PDE4B: variants seen among roughly 807,000 people sequenced by gnomAD.
PDE4B encodes the protein 3',5'-cyclic-AMP phosphodiesterase 4B.
A neutral mutation model predicts 82.2 loss-of-function variants in PDE4B; 20 were observed. That is an observed-to-expected ratio of 0.24 (90% CI 0.17 to 0.35). PDE4B has a LOEUF of 0.35. PDE4B is among the 10% of genes least tolerant of loss of function. The pLI is 1.00. For synonymous variants in PDE4B, 320 were observed against 318.9 expected (o/e 1.00, Z -0.04); for missense variants, 655 against 907.2 (o/e 0.72, Z 3.57).
chr1:66,232,621 T>G (rs1570522234), intron 3 of PDE4B, among the ~76,000 whole-genome samples: 1 of 152,094 alleles, frequency 6.6e-6, no homozygotes. Context: ...AGTTAGAGTT[T>G]GGAAAAAGAC....
At chr1:66,003,904 T>G (rs1364559961) in intron 3 of PDE4B, among the ~76,000 whole-genome samples, 1 of 152,202 alleles carries the variant, frequency 6.6e-6, no homozygotes, top group Non-Finnish European at 1.5e-5. Flanking sequence ...CCTGTCAGCC[T>G]GCTCAGCCAG....
At chr1:66,150,499 C>T (rs1646370178) in intron 3 of PDE4B, among the ~76,000 whole-genome samples, 1 of 152,188 alleles carries the variant, frequency 6.6e-6, no homozygotes, top group South Asian at 2.1e-4. Flanking sequence ...TGTTTTACCT[C>T]TTCCTTTCCA....
intron 1 of PDE4B, among the ~76,000 whole-genome samples, chr1:65,843,452 A>G (rs1571004368): frequency 6.6e-6 from 1 of 152,166 alleles, no homozygotes; most frequent in African/African-American, 2.4e-5. Context: ...ACCAAATGCC[A>G]TGGGTGGTTA....
rs561501415 is a variant in PDE4B, at chr1:65,834,987, T to C, written c.-71+41739T>C. Reference sequence around the variant, plus strand: ...GCACACCACTCTATCCATCTATAGCTCTCAACGCCTCTGGAATTTAACCTC... The same window carrying C: ...GCACACCACTCTATCCATCTATAGCCCTCAACGCCTCTGGAATTTAACCTC... On this transcript the variant is annotated intron_variant, in intron 1 of 16. Coordinates refer to ENST00000341517, the MANE Select transcript of PDE4B (RefSeq NM_002600.4). Among the ~76,000 whole-genome samples, 400 of 152,286 alleles carry C rather than the reference T, an allele frequency of 2.6e-3. 1 individual carries two copies. The highest frequency in any genetic ancestry group is 8.7e-3 in the African/African-American group (362 of 41,560).
chr1:66,081,003 A>G (rs1427485388), intron 3 of PDE4B, among the ~76,000 whole-genome samples: 2 of 152,168 alleles, frequency 1.3e-5, no homozygotes, highest in African/African-American at 2.4e-5. Context: ...AACATGTTGT[A>G]TAAATGAGAA....
At chr1:66,305,361 T>C (rs1243229793) in intron 7 of PDE4B, among the ~76,000 whole-genome samples, 1 of 152,150 alleles carries the variant, frequency 6.6e-6, no homozygotes, top group African/African-American at 2.4e-5. Flanking sequence ...ATATGAAAAA[T>C]AGTCTTCTTA....
intron 3 of PDE4B, among the ~76,000 whole-genome samples, chr1:65,956,024 T>C (rs1444773883): frequency 6.6e-6 from 1 of 152,174 alleles, no homozygotes; most frequent in Non-Finnish European, 1.5e-5. Context: ...AGGTCCCAGA[T>C]TGATAGCTGC....
chr1:65,807,476 A>G (rs1645766860), intron 1 of PDE4B, among the ~76,000 whole-genome samples: 1 of 152,204 alleles, frequency 6.6e-6, no homozygotes, highest in Admixed American at 6.5e-5. Flanking sequence ...TAAGTATCCC[A>G]GTATAAATGT....
intron 3 of PDE4B, among the ~76,000 whole-genome samples, chr1:66,066,145 G>A (rs1655834087): frequency 6.6e-6 from 1 of 151,382 alleles, no homozygotes; most frequent in South Asian, 2.1e-4. Context: ...TTTAAAAATA[G>A]AATATGTATC....
chr1:66,028,101 T>G (rs1653552975), intron 3 of PDE4B, among the ~76,000 whole-genome samples: 1 of 152,210 alleles, frequency 6.6e-6, no homozygotes, highest in African/African-American at 2.4e-5. Flanking sequence ...TCCATGAGGG[T>G]GCCGCCTCTG....
intron 3 of PDE4B, among the ~76,000 whole-genome samples, chr1:66,039,811 A>G (rs943047537): frequency 2.0e-5 from 3 of 152,052 alleles, no homozygotes; most frequent in Admixed American, 6.6e-5. Context: ...TAATTGGTAG[A>G]CAATTCACAG....
intron 1 of PDE4B, among the ~76,000 whole-genome samples, chr1:65,883,061 C>G (rs980798668): frequency 2.0e-5 from 3 of 152,158 alleles, no homozygotes; most frequent in Non-Finnish European, 4.4e-5. Context: ...TAAAATATGA[C>G]TAACAATCAT....
intron 1 of PDE4B, among the ~76,000 whole-genome samples, chr1:65,856,703 G>T (rs566223732): frequency 3.1e-4 from 47 of 152,264 alleles, no homozygotes; most frequent in African/African-American, 1.0e-3. Context: ...CTCAGTAAGG[G>T]GATTGCTTGG....
At chr1:66,062,058 G>T (rs1655608413) in intron 3 of PDE4B, among the ~76,000 whole-genome samples, 2 of 152,234 alleles carry the variant, frequency 1.3e-5, no homozygotes, top group East Asian at 3.9e-4. Flanking sequence ...TAGGAGCAAG[G>T]ATAAGAGGTT....
In PDE4B at chr1:65,924,256, A is replaced by C. The variant is rs868786829; in HGVS notation, c.281+5421A>C. 4.8e-5 allele frequency among the ~76,000 whole-genome samples: 7 copies of C among 145,972 alleles called. No homozygotes were observed. The Middle Eastern group carries it at 0.01, about 217-fold the overall frequency. On this transcript the variant is annotated intron_variant, in intron 3 of 16. Transcript: ENST00000341517. Reference sequence around the variant, plus strand: ...CGCCCGGCTAATTTTTTGTATTTTTAGTAGAGACGGGGTTTCACTGTTTTA... The same window carrying C: ...CGCCCGGCTAATTTTTTGTATTTTTCGTAGAGACGGGGTTTCACTGTTTTA...
chr1:66,332,132 G>A, intron 7 of PDE4B: 1 of 1,304,904 alleles, frequency 7.7e-7, no homozygotes, highest in Non-Finnish European at 9.8e-7. Flanking sequence ...AGAACCCTGG[G>A]ATGACTAAGG....
chr1:66,290,766 G>A (rs1039662515), intron 7 of PDE4B, among the ~76,000 whole-genome samples: 1 of 152,128 alleles, frequency 6.6e-6, no homozygotes, highest in East Asian at 1.9e-4. Flanking sequence ...TCATGAAGCT[G>A]CCTTGGGGAC....
At chr1:66,009,591 C>T (rs536281872) in intron 3 of PDE4B, among the ~76,000 whole-genome samples, 2 of 152,132 alleles carry the variant, frequency 1.3e-5, no homozygotes, top group Non-Finnish European at 1.5e-5. Flanking sequence ...TCACACCATC[C>T]CAGCCACACT....
At chr1:66,275,978 T>C (rs972996349) in intron 7 of PDE4B, among the ~76,000 whole-genome samples, 14 of 152,152 alleles carry the variant, frequency 9.2e-5, no homozygotes, top group African/African-American at 2.9e-4. Flanking sequence ...ACCATGGCGA[T>C]TATCCAGCTT....
Sources: gnomAD v4.1 joint callset for allele counts (sites outside exome capture counted in the v4.1 genomes callset) on GRCh38, gnomAD v4.1.1 for gene constraint, MANE v1.5 for transcripts, NCBI Gene and HGNC (gene_info 2026-07-23, HGNC 2026-07-21) for gene names.